Variants in GLIS3 observed in about 807,000 individuals in gnomAD.
The protein encoded by GLIS3 is GLIS family zinc finger 3.
A neutral mutation model predicts 78.6 loss-of-function variants in GLIS3; 53 were observed. The ratio of observed to expected loss-of-function variants is 0.67; its 90% CI spans 0.54 to 0.85. GLIS3 has a LOEUF of 0.85. Among genes scored for constraint, GLIS3 ranks in the 40% least tolerant of loss-of-function variants. GLIS3 has a pLI of 0.00. For missense variants in GLIS3, 1,703 were observed against 1,231.1 expected (o/e 1.38, Z -5.74); for synonymous variants, 684 against 509.9 (o/e 1.34, Z -4.60).
At chr9:4,217,639 T>A (rs568145644) in intron 2 of GLIS3, among the ~76,000 whole-genome samples, 1 of 152,164 alleles carries the variant, frequency 6.6e-6, no homozygotes, top group Non-Finnish European at 1.5e-5. Context: ...TATTTTAGAG[T>A]GCTGAACTCT....
chr9:4,450,799 G>C, the GLIS3 span, among the ~76,000 whole-genome samples: 2 of 152,190 alleles, frequency 1.3e-5, no homozygotes, highest in Admixed American at 6.5e-5. Context: ...AGCAAATGCT[G>C]AGAGATTTTG....
intron 6 of GLIS3, among the ~76,000 whole-genome samples, chr9:3,902,426 T>C (rs1457691891): frequency 6.6e-6 from 1 of 152,144 alleles, no homozygotes; most frequent in Non-Finnish European, 1.5e-5. Flanking sequence ...TTGGGAGGGG[T>C]GTCTTTCAAT....
chr9:4,409,786 A>G, the GLIS3 span, among the ~76,000 whole-genome samples: 1 of 152,234 alleles, frequency 6.6e-6, no homozygotes, highest in Admixed American at 6.5e-5. Flanking sequence ...AAGATTGTCA[A>G]AGAAAAAATG....
chr9:4,025,434 C>G (rs550378426), intron 4 of GLIS3, among the ~76,000 whole-genome samples: 1 of 152,146 alleles, frequency 6.6e-6, no homozygotes, highest in African/African-American at 2.4e-5. Context: ...TGTGGCCAGG[C>G]TGGAGTGGGG....
At chr9:3,994,760 C>A (rs889261447) in intron 4 of GLIS3, among the ~76,000 whole-genome samples, 1 of 152,168 alleles carries the variant, frequency 6.6e-6, no homozygotes, top group African/African-American at 2.4e-5. Flanking sequence ...CTTCTTTCCC[C>A]AGCAATATGG....
At chr9:4,155,879 C>T (rs1002107038) in intron 2 of GLIS3, among the ~76,000 whole-genome samples, 1 of 152,224 alleles carries the variant, frequency 6.6e-6, no homozygotes, top group African/African-American at 2.4e-5. Flanking sequence ...TCAGGCCCCT[C>T]TGCTGTGGGA....
At chr9:3,884,903 C>A (rs766575421) in intron 7 of GLIS3, among the ~76,000 whole-genome samples, 18 of 152,092 alleles carry the variant, frequency 1.2e-4, no homozygotes, top group Non-Finnish European at 2.1e-4. Flanking sequence ...TGTCAGGGCC[C>A]CTGAACACTC....
At chr9:4,262,066 G>C (rs937593513) in intron 2 of GLIS3, among the ~76,000 whole-genome samples, 2 of 152,130 alleles carry the variant, frequency 1.3e-5, no homozygotes, top group African/African-American at 4.8e-5. Context: ...TGAATGGCTA[G>C]AAAGAGACCC....
At chr9:4,398,018 T>G in the GLIS3 span, among the ~76,000 whole-genome samples, 1 of 152,016 alleles carries the variant, frequency 6.6e-6, no homozygotes, top group Non-Finnish European at 1.5e-5. Flanking sequence ...CCCCTCTCAT[T>G]CTGATGCAGA....
intron 6 of GLIS3, among the ~76,000 whole-genome samples, chr9:3,925,620 T>C (rs549858133): frequency 1.2e-3 from 182 of 152,190 alleles, no homozygotes; most frequent in African/African-American, 4.2e-3. Context: ...TGTGTGTGTG[T>C]GCGCGCGATC....
chr9:3,991,533 A>G (rs1214048663), intron 4 of GLIS3, among the ~76,000 whole-genome samples: 3 of 152,110 alleles, frequency 2.0e-5, no homozygotes, highest in Non-Finnish European at 4.4e-5. Context: ...TTAACTTCCT[A>G]TATCTTAATT....
At chr9:4,343,489 G>A (rs1587396099) in intron 2 of GLIS3, among the ~76,000 whole-genome samples, 2 of 152,218 alleles carry the variant, frequency 1.3e-5, no homozygotes, top group African/African-American at 4.8e-5. Context: ...TTCAGCTACA[G>A]TGGAAAGCAG....
chr9:4,061,427 T>A (rs887649879), intron 4 of GLIS3, among the ~76,000 whole-genome samples: 1 of 152,144 alleles, frequency 6.6e-6, no homozygotes, highest in Non-Finnish European at 1.5e-5. Context: ...TATTCCATGG[T>A]GTATATGTGC....
the GLIS3 span, among the ~76,000 whole-genome samples, chr9:4,409,094 T>C: frequency 4.6e-5 from 7 of 152,196 alleles, no homozygotes; most frequent in African/African-American, 1.7e-4. Flanking sequence ...CTGTAACTCA[T>C]AAACCAGTCT....
intron 3 of GLIS3, among the ~76,000 whole-genome samples, chr9:4,309,382 T>A (rs1032787170): frequency 6.6e-6 from 1 of 152,214 alleles, no homozygotes; most frequent in Non-Finnish European, 1.5e-5. Context: ...TTTCCACTTA[T>A]GAACAAAGGT....
At chr9:4,036,410 T>G (rs1563972385) in intron 4 of GLIS3, among the ~76,000 whole-genome samples, 1 of 152,146 alleles carries the variant, frequency 6.6e-6, no homozygotes, top group Admixed American at 6.6e-5. Flanking sequence ...AATAAACAGA[T>G]GTATAAATAA....
intron 4 of GLIS3, among the ~76,000 whole-genome samples, chr9:3,938,314 G>C (rs938712096): frequency 1.6e-4 from 24 of 152,190 alleles, no homozygotes; most frequent in Admixed American, 1.5e-3. Context: ...GAATGCAGGG[G>C]GGTGAGGGTG....
chr9:4,402,927 C>T, the GLIS3 span, among the ~76,000 whole-genome samples: 1 of 152,026 alleles, frequency 6.6e-6, no homozygotes, highest in African/African-American at 2.4e-5. Flanking sequence ...GAGAACTTCC[C>T]AAACCTAGAG....
chr9:4,274,609 C>A (rs1175528304), intron 2 of GLIS3, among the ~76,000 whole-genome samples: 1 of 152,136 alleles, frequency 6.6e-6, no homozygotes, highest in Non-Finnish European at 1.5e-5. Flanking sequence ...ACATTAACTG[C>A]TCCAGTATCC....
Sources: allele counts gnomAD v4.1 joint callset (sites outside exome capture counted in the v4.1 genomes callset), GRCh38; gene constraint gnomAD v4.1.1; transcripts MANE v1.5; gene names NCBI Gene and HGNC (gene_info 2026-07-23, HGNC 2026-07-21).